Variants in GNA12 observed in about 807,000 individuals in gnomAD.
The protein encoded by GNA12 is G protein subunit alpha 12.
A neutral mutation model predicts 26.0 loss-of-function variants in GNA12; 9 were observed. The observed-to-expected ratio is 0.35, with a 90% CI of 0.21 to 0.60. GNA12 has a LOEUF of 0.60. Among genes scored for constraint, GNA12 ranks in the 20% least tolerant of loss-of-function variants. GNA12 has a pLI of 0.78. For synonymous variants in GNA12, 264 were observed against 219.6 expected (o/e 1.20, Z -1.79); for missense variants, 405 against 525.8 (o/e 0.77, Z 2.25).
chr7:2,800,614 G>T (rs1208853789), intron 1 of GNA12, among the ~76,000 whole-genome samples: 1 of 152,216 alleles, frequency 6.6e-6, no homozygotes, highest in Non-Finnish European at 1.5e-5. Flanking sequence ...CCACGGCAAT[G>T]TAAGTTCCAA....
intron 2 of GNA12, among the ~76,000 whole-genome samples, chr7:2,792,669 C>T (rs940942839): frequency 6.6e-6 from 1 of 152,238 alleles, no homozygotes; most frequent in African/African-American, 2.4e-5. Context: ...CCAATTGTTT[C>T]TTCCAGCCCT....
chr7:2,741,008 G>A (rs1790471252), intron 2 of GNA12, among the ~76,000 whole-genome samples: 1 of 152,164 alleles, frequency 6.6e-6, no homozygotes, highest in South Asian at 2.1e-4. Context: ...TCGGGCCACT[G>A]CACTCCTGCC....
rs1789865934 is a variant in GNA12 at position 2,731,121 on chromosome 7, A to G, written c.*60T>C. ...GGACCACACAGACAACACACACCCA[A>G]GAGTCTGACCGACAGCCGTGGGGGC... On this transcript the variant is annotated 3_prime_UTR_variant, in exon 4 of 4. Coordinates refer to ENST00000275364, the MANE Select transcript of GNA12 (RefSeq NM_007353.3). The surrounding 1 kb of genome is among the most constrained non-coding windows in gnomAD (Gnocchi z 6.0). 2.6e-6 allele frequency: 3 copies of G among 1,149,396 alleles called. No individual in the cohort carries two copies. The highest frequency in any genetic ancestry group is 1.9e-5 in the Admixed American group (1 of 52,818). The allele number at this position is 1,149,396 out of a possible 1,614,324, so 71.2% of individuals were successfully genotyped here.
chr7:2,803,165 G>A (rs868849154), intron 1 of GNA12, among the ~76,000 whole-genome samples: 1 of 152,194 alleles, frequency 6.6e-6, no homozygotes, highest in Non-Finnish European at 1.5e-5. Context: ...GTAGCAGCAA[G>A]ACAGAGCACG....
At chr7:2,813,640 G>A in intron 1 of GNA12, among the ~76,000 whole-genome samples, 1 of 152,192 alleles carries the variant, frequency 6.6e-6, no homozygotes. Flanking sequence ...AAATGAAAAT[G>A]GAAATGGAGG....
chr7:2,757,207 C>G (rs1342931233), intron 2 of GNA12, among the ~76,000 whole-genome samples: 1 of 136,120 alleles, frequency 7.3e-6, no homozygotes, highest in Admixed American at 8.4e-5. Flanking sequence ...ACGATCTTGG[C>G]TCACTGCAAG....
chr7:2,731,824 CA>C lies in GNA12; in HGVS notation c.577-75del. ...AGAGAAAATAGAAACAAAAAGATGGCAAAAAGATAAGAAGGAAAGAGACTGA... is the reference window on the plus strand; with the variant it reads ...AGAGAAAATAGAAACAAAAAGATGGCAAAAGATAAGAAGGAAAGAGACTGA... On this transcript the variant is annotated intron_variant, in intron 3 of 3. Coordinates refer to ENST00000275364, the MANE Select transcript of GNA12 (RefSeq NM_007353.3). The surrounding 1 kb of genome is among the most constrained non-coding windows in gnomAD (Gnocchi z 6.0). 1.3e-6 allele frequency: 1 copy of C among 776,100 alleles called. No homozygotes were observed. The highest frequency in any genetic ancestry group is 1.9e-6 in the Non-Finnish European group (1 of 519,598). 48.1% of individuals were successfully genotyped at this position (776,100 alleles called of 1,614,324 possible). A position where few individuals can be genotyped will look rare whatever the true frequency, so the allele number is the denominator to read the frequency against.
intron 2 of GNA12, 119 bp downstream of exon 2, chr7:2,794,809 G>A (rs1249622393): frequency 2.7e-6 from 2 of 731,808 alleles, no homozygotes; most frequent in Non-Finnish European, 4.6e-6. Context: ...TACAACTTAC[G>A]GTGATTTAGA....
intron 1 of GNA12, among the ~76,000 whole-genome samples, chr7:2,843,290 CT>C (rs1411245360): frequency 2.0e-5 from 3 of 152,148 alleles, no homozygotes; most frequent in African/African-American, 7.2e-5. Flanking sequence ...CAAGCCCCCA[CT>C]CCCCATCCCC....
At position 2,798,069 on chromosome 7, in the gene GNA12, C is replaced by T. The variant is rs76321336; in HGVS notation, c.310-2926G>A. ...ATGTGAAAGACTGAATGCTTTCCCT[C>T]CAACACTAGGAAAAGACAAAGATGC... is the stretch of plus-strand genomic sequence containing the variant. On this transcript the variant is annotated intron_variant, in intron 1 of 3. Coordinates refer to ENST00000275364, the MANE Select transcript of GNA12 (RefSeq NM_007353.3). Among the ~76,000 whole-genome samples, 1,431 of 152,316 alleles carry T rather than the reference C, an allele frequency of 9.4e-3. 26 individuals are homozygous for T. The highest frequency in any genetic ancestry group is 0.011 in the Non-Finnish European group (747 of 68,026).
chr7:2,802,229 A>C (rs1199036804), intron 1 of GNA12, among the ~76,000 whole-genome samples: 1 of 152,096 alleles, frequency 6.6e-6, no homozygotes, highest in African/African-American at 2.4e-5. Context: ...GGTTACCCAA[A>C]TATAAACGGT....
Position 2,731,371 on chromosome 7 carries a change from C to T in GNA12, c.956G>A (p.Gly319Asp). The T allele has an allele frequency of 6.2e-7, 1 of 1,613,708 alleles. No individual in the cohort carries two copies. The highest frequency in any genetic ancestry group is 8.5e-7 in the Non-Finnish European group (1 of 1,179,752). ...SIKKHFPDFR[G>D]DPHRLEDVQR... ...GACGTCCTCCAGCCTGTGCGGGTCG[C>T]CCCTGAAGTCCGGGAAGTGCTTCTT... is the stretch of plus-strand genomic sequence containing the variant. Residue 319 changes from glycine (G) to aspartate (D), a missense_variant, in exon 4 of 4, where the codon GGC (glycine) becomes GAC (aspartate). Gly to Asp is a moderately conservative substitution (Grantham distance 94). Coordinates refer to ENST00000275364, the MANE Select transcript of GNA12 (RefSeq NM_007353.3). The surrounding 1 kb of genome is among the most constrained non-coding windows in gnomAD (Gnocchi z 6.0).
In GNA12 at chr7:2,728,384, T is replaced by C. The variant is rs1276458475; in HGVS notation, c.*2797A>G. On this transcript the variant is annotated 3_prime_UTR_variant, in exon 4 of 4. Transcript: ENST00000275364. ...AGTTAACAATCTGACTTATTTTTCT[T>C]TTATCAAAGAAGTAGGAAAATTACA... 2.6e-5 allele frequency: 4 copies of C among 152,300 alleles called. No individual in the cohort carries two copies. Among genetic ancestry groups the C allele is most frequent in the African/African-American group, 9.7e-5 (4 of 41,442 alleles). The allele number at this position is 152,300 out of a possible 1,614,324, so 9.4% of individuals were successfully genotyped here.
chr7:2,745,239 G>A (rs920354423), intron 2 of GNA12, among the ~76,000 whole-genome samples: 7 of 152,184 alleles, frequency 4.6e-5, no homozygotes, highest in African/African-American at 1.7e-4. Flanking sequence ...AAGTTGAAAT[G>A]AAGGAAAAAA....
At chr7:2,773,376 A>G (rs1583269313) in intron 2 of GNA12, among the ~76,000 whole-genome samples, 3 of 152,346 alleles carry the variant, frequency 2.0e-5, no homozygotes, top group Admixed American at 2.0e-4. Context: ...CAGCCTGGCC[A>G]ACATGGCAAA....
chr7:2,821,130 T>A (rs949860172), intron 1 of GNA12, among the ~76,000 whole-genome samples: 2 of 152,238 alleles, frequency 1.3e-5, no homozygotes, highest in Admixed American at 1.3e-4. Context: ...TGCCAATCAA[T>A]TATTCTCTGG....
chr7:2,811,802 G>T (rs1562440943), intron 1 of GNA12, among the ~76,000 whole-genome samples: 1 of 152,226 alleles, frequency 6.6e-6, no homozygotes, highest in East Asian at 1.9e-4. Flanking sequence ...GCTCCCTTCA[G>T]AGGGGTTCTG....
At chr7:2,790,375 C>T (rs529960084) in intron 2 of GNA12, among the ~76,000 whole-genome samples, 21 of 152,296 alleles carry the variant, frequency 1.4e-4, no homozygotes, top group Admixed American at 1.2e-3. Context: ...CCTCAGCCAC[C>T]GAATAGCTGG....
chr7:2,735,694 G>T (rs555425236), intron 2 of GNA12, among the ~76,000 whole-genome samples: 1 of 152,314 alleles, frequency 6.6e-6, no homozygotes, highest in South Asian at 2.1e-4. Flanking sequence ...CACAGCATTT[G>T]TATCACTACT....
Sources: allele counts gnomAD v4.1 joint callset (sites outside exome capture counted in the v4.1 genomes callset), GRCh38; gene constraint gnomAD v4.1.1; non-coding constraint Gnocchi (gnomAD v3.1); transcripts MANE v1.5; gene names NCBI Gene and HGNC (gene_info 2026-07-23, HGNC 2026-07-21).